The following THSD7B variants were observed in gnomAD, a reference collection of about 807,000 sequenced individuals.
The protein encoded by THSD7B is thrombospondin type 1 domain containing 7B, also known as thrombospondin type-1 domain-containing protein 7B.
Under a neutral mutation model 213.6 loss-of-function variants are expected in THSD7B, and 138 were observed. That is an observed-to-expected ratio of 0.65 (90% confidence interval 0.56 to 0.74). THSD7B has a LOEUF of 0.74. Ranked by LOEUF, THSD7B falls within the 30% of genes least tolerant of loss-of-function variation. The pLI is 0.00. For missense variants in THSD7B, 1,931 were observed against 1,991.5 expected (o/e 0.97, Z 0.58); for synonymous variants, 742 against 687.0 (o/e 1.08, Z -1.25).
At chr2:137,152,213 T>TC (rs149166557) in intron 5 of THSD7B, among the ~76,000 whole-genome samples, 65 of 152,264 alleles carry the variant, frequency 4.3e-4, no homozygotes, top group African/African-American at 1.5e-3. Context: ...ACAAAAATAC[T>TC]CATCTAGCTT....
intron 15 of THSD7B, among the ~76,000 whole-genome samples, chr2:137,494,088 A>G (rs1051124212): frequency 6.6e-6 from 1 of 152,230 alleles, no homozygotes; most frequent in Admixed American, 6.5e-5. Context: ...GCATGAAAGG[A>G]GAGCATTCAT....
chr2:137,281,745 A>G (rs1001981122), intron 12 of THSD7B, among the ~76,000 whole-genome samples: 34 of 152,034 alleles, frequency 2.2e-4, no homozygotes, highest in Non-Finnish European at 3.7e-4. Context: ...ATCGTTTTTT[A>G]TGGCTGCATA....
At chr2:137,077,518 C>G (rs1277217310) in intron 3 of THSD7B, among the ~76,000 whole-genome samples, 1 of 152,098 alleles carries the variant, frequency 6.6e-6, no homozygotes, top group Non-Finnish European at 1.5e-5. Context: ...GATCACCATT[C>G]TAACTGGTGT....
intron 3 of THSD7B, among the ~76,000 whole-genome samples, chr2:137,060,180 A>G (rs1687245111): frequency 6.6e-6 from 1 of 152,122 alleles, no homozygotes; most frequent in African/African-American, 2.4e-5. Context: ...TAAGGTGTCT[A>G]TTCAGATGTT....
intron 1 of THSD7B, among the ~76,000 whole-genome samples, chr2:136,833,363 C>CAAA (rs10639590): frequency 0.59 from 32,488 of 55,424 alleles, 12,102 homozygotes; most frequent in Non-Finnish European, 0.72. Context: ...GACTCCGTCT[C>CAAA]AAAAAAAAAA....
In THSD7B at chr2:137,656,936, C is replaced by A; in HGVS notation, c.4246C>A (p.Pro1416Thr). 1 of 1,613,966 alleles carries A rather than the reference C, an allele frequency of 6.2e-7. No homozygotes were observed. The highest frequency in any genetic ancestry group is 8.5e-7 in the Non-Finnish European group (1 of 1,179,866). Residue 1416 changes from proline to threonine, a missense_variant, in exon 23 of 28, where the codon CCC (proline) becomes ACC (threonine). By Grantham distance (38) the Pro-to-Thr change is conservative. Coordinates refer to ENST00000409968, the MANE Select transcript of THSD7B (RefSeq NM_001316349.2). ...GTCTTTTGAGAACCAAGACAGCTGC[C>A]CCCAACAGGTTCTAGAAACACGCCC... is the stretch of plus-strand genomic sequence containing the variant. ...IQSFENQDSC[P>T]QQVLETRPCT...
chr2:137,229,988 C>T (rs1681601377), intron 7 of THSD7B, among the ~76,000 whole-genome samples: 1 of 152,174 alleles, frequency 6.6e-6, no homozygotes, highest in South Asian at 2.1e-4. Context: ...AACCGCCTCT[C>T]TCCTATAGTT....
chr2:137,105,122 G>A (rs1688222454), intron 4 of THSD7B, among the ~76,000 whole-genome samples: 2 of 152,026 alleles, frequency 1.3e-5, no homozygotes, highest in Non-Finnish European at 2.9e-5. Context: ...AGAATTTCAG[G>A]CCAATATACC....
chr2:136,805,391 C>G (rs1317152337), intron 1 of THSD7B, among the ~76,000 whole-genome samples: 3 of 152,114 alleles, frequency 2.0e-5, no homozygotes, highest in Admixed American at 6.5e-5. Context: ...TTTTTGCATC[C>G]CCACCAATAG....
At chr2:137,323,505 T>G (rs1684306988) in intron 12 of THSD7B, among the ~76,000 whole-genome samples, 1 of 152,178 alleles carries the variant, frequency 6.6e-6, no homozygotes, top group African/African-American at 2.4e-5. Flanking sequence ...AAGAATAAAT[T>G]ATGTGTCTAC....
intron 12 of THSD7B, among the ~76,000 whole-genome samples, chr2:137,369,003 C>T (rs1448516696): frequency 1.3e-5 from 2 of 151,942 alleles, no homozygotes; most frequent in Non-Finnish European, 2.9e-5. Flanking sequence ...TTAGTAGTAA[C>T]TAAAATGTGT....
At chr2:137,662,360 G>A (rs940714854) in intron 25 of THSD7B, among the ~76,000 whole-genome samples, 1 of 150,934 alleles carries the variant, frequency 6.6e-6, no homozygotes, top group African/African-American at 2.4e-5. Flanking sequence ...TGGGATTACA[G>A]GCGTGAGCCA....
At chr2:136,771,883 A>G (rs1681512629) in intron 1 of THSD7B, among the ~76,000 whole-genome samples, 1 of 152,130 alleles carries the variant, frequency 6.6e-6, no homozygotes, top group Non-Finnish European at 1.5e-5. Context: ...CTGTAAGGTA[A>G]GGCTTACCAA....
At chr2:136,985,399 G>C (rs935385826) in intron 2 of THSD7B, among the ~76,000 whole-genome samples, 1 of 152,270 alleles carries the variant, frequency 6.6e-6, no homozygotes, top group East Asian at 1.9e-4. Context: ...TTATCTGGCT[G>C]CTCTAGCCCC....
intron 15 of THSD7B, among the ~76,000 whole-genome samples, chr2:137,457,122 C>T (rs1436077686): frequency 2.0e-5 from 3 of 152,172 alleles, no homozygotes; most frequent in African/African-American, 7.2e-5. Flanking sequence ...TATCCACACA[C>T]ACCCTATTGT....
intron 20 of THSD7B, among the ~76,000 whole-genome samples, chr2:137,630,793 C>T (rs1682726453): frequency 1.3e-5 from 2 of 152,160 alleles, no homozygotes; most frequent in Non-Finnish European, 2.9e-5. Flanking sequence ...TAGGCAGAGA[C>T]CACAGGAAGA....
At chr2:137,543,248 T>C (rs1680641001) in intron 15 of THSD7B, among the ~76,000 whole-genome samples, 1 of 151,848 alleles carries the variant, frequency 6.6e-6, no homozygotes, top group Non-Finnish European at 1.5e-5. Flanking sequence ...ACAAGATCCT[T>C]AACCATATAC....
intron 14 of THSD7B, among the ~76,000 whole-genome samples, chr2:137,422,582 A>G (rs1686953702): frequency 6.6e-6 from 1 of 152,228 alleles, no homozygotes; most frequent in African/African-American, 2.4e-5. Context: ...AAAAAAATCA[A>G]TGGAACATCT....
At chr2:137,405,472 G>A (rs1439246982) in intron 12 of THSD7B, 141 bp from the exon 13 acceptor site, 2 of 584,154 alleles carry the variant, frequency 3.4e-6, no homozygotes, top group Non-Finnish European at 5.5e-6. Flanking sequence ...AGAGAAATAA[G>A]GTTAGCTATG....
Sources: gnomAD v4.1 joint callset for allele counts (sites outside exome capture counted in the v4.1 genomes callset) on GRCh38, gnomAD v4.1.1 for gene constraint, MANE v1.5 for transcripts, NCBI Gene and HGNC (gene_info 2026-07-23, HGNC 2026-07-21) for gene names.